The following ACOX3 variants were observed in gnomAD, a reference collection of about 807,000 sequenced individuals.
ACOX3 encodes acyl-CoA oxidase 3, pristanoyl.
In ACOX3, 73 loss-of-function variants were observed where a neutral mutation model predicts 81.5. The ratio of observed to expected loss-of-function variants is 0.90; its 90% CI spans 0.74 to 1.09. ACOX3 has a LOEUF of 1.09. Among genes scored for constraint, ACOX3 ranks in the 50% least tolerant of loss-of-function variants. The pLI is 0.00. For synonymous variants in ACOX3, 387 were observed against 375.1 expected (o/e 1.03, Z -0.37); for missense variants, 947 against 928.0 (o/e 1.02, Z -0.27).
Position 8,437,033 on chromosome 4 carries a change from AT to A in ACOX3, c.-15+3614del, listed in dbSNP as rs1226615372. The stretch of plus-strand genomic sequence containing the variant: ...TCAGCATATATATATATTCGAAAAA[AT>A]ATATATAAATATATATATACAAATA... On this transcript the variant is annotated intron_variant, in intron 1 of 17. Coordinates refer to ENST00000356406, the MANE Select transcript of ACOX3 (RefSeq NM_003501.3). The surrounding 1 kb of genome is among the most constrained non-coding windows in gnomAD (Gnocchi z 5.2). Among the ~76,000 whole-genome samples the A allele has an allele frequency of 6.8e-6, 1 of 146,488 alleles. No homozygotes were observed. Among genetic ancestry groups the A allele is most frequent in the Non-Finnish European group, 1.5e-5 (1 of 66,868 alleles).
intron 1 of ACOX3, 38 bp downstream of exon 1, chr4:8,440,610 C>A (rs1222361600): frequency 5.5e-6 from 3 of 540,794 alleles, no homozygotes; most frequent in African/African-American, 4.0e-5. Context: ...GCCCAGAATT[C>A]TCTCAAAAGG....
In ACOX3 at chr4:8,394,824, C is replaced by G; in HGVS notation, c.1057-82G>C. 6.6e-7 allele frequency: 1 copy of G among 1,526,526 alleles called. No homozygotes were observed. Among genetic ancestry groups the G allele is most frequent in the Non-Finnish European group, 8.8e-7 (1 of 1,132,638 alleles). The allele number at this position is 1,526,526 out of a possible 1,614,324, so 94.6% of individuals were successfully genotyped here. A position where few individuals can be genotyped will look rare whatever the true frequency, so the allele number is the denominator to read the frequency against. On this transcript the variant is annotated intron_variant, in intron 9 of 17. Coordinates refer to ENST00000356406, the MANE Select transcript of ACOX3 (RefSeq NM_003501.3). The surrounding 1 kb of genome is among the most constrained non-coding windows in gnomAD (Gnocchi z 5.9). ...ATCCCAGGGACCATGAAAGCCAGTG[C>G]AGGGAGAGGCCGTCAGGGCCACACA...
At chr4:8,433,144 C>A (rs1275480939) in intron 1 of ACOX3, among the ~76,000 whole-genome samples, 5 of 152,210 alleles carry the variant, frequency 3.3e-5, no homozygotes, top group African/African-American at 1.2e-4. Flanking sequence ...GACCCAGCAG[C>A]CTCTGGCTGG....
chr4:8,367,597 G>A (rs1715615613), intron 17 of ACOX3, among the ~76,000 whole-genome samples: 1 of 150,946 alleles, frequency 6.6e-6, no homozygotes, highest in South Asian at 2.1e-4. Flanking sequence ...TTTTTTTCTA[G>A]TAGAAAACAA....
In ACOX3 at chr4:8,406,087, C is replaced by T. The variant is rs1289714388; in HGVS notation, c.688-44G>A. Reference sequence around the variant, plus strand: ...AGCAGCAAACAGCAACTGTTACAATCACACAAAAATCAAAACAAATGTGTT... The same window carrying T: ...AGCAGCAAACAGCAACTGTTACAATTACACAAAAATCAAAACAAATGTGTT... On this transcript the variant is annotated intron_variant, in intron 6 of 17. Transcript: ENST00000356406. This position sits in a 1 kb window ranked among gnomAD's most constrained non-coding sequence, Gnocchi z 5.6. The T allele has an allele frequency of 6.3e-7, 1 of 1,584,474 alleles. No individual in the cohort carries two copies. The highest frequency in any genetic ancestry group is 2.2e-5 in the East Asian group (1 of 44,754).
chr4:8,380,989 T>A (rs1243325951), intron 14 of ACOX3, among the ~76,000 whole-genome samples: 1 of 152,186 alleles, frequency 6.6e-6, no homozygotes, highest in East Asian at 1.9e-4. Flanking sequence ...ATTTTTTCCC[T>A]GTGGCTTCCT....
chr4:8,365,463 G>A (rs183562434), downstream of ACOX3, among the ~76,000 whole-genome samples: 39 of 152,324 alleles, frequency 2.6e-4, no homozygotes, highest in East Asian at 2.5e-3. Flanking sequence ...TACCTATTGC[G>A]TCTCAGCCCT....
At position 8,406,479 on chromosome 4, in the gene ACOX3, G is replaced by A. The variant is rs1040385815; in HGVS notation, c.688-436C>T. On this transcript the variant is annotated intron_variant, in intron 6 of 17. Coordinates refer to ENST00000356406, the MANE Select transcript of ACOX3 (RefSeq NM_003501.3). The surrounding 1 kb of genome is among the most constrained non-coding windows in gnomAD (Gnocchi z 5.6). ...AGAGAGCATAGAGATAAAGACACAAGACAAAGAGATAAAAGAAAAGACGGC... is the reference window on the plus strand; with the variant it reads ...AGAGAGCATAGAGATAAAGACACAAAACAAAGAGATAAAAGAAAAGACGGC... 2.0e-5 allele frequency among the ~76,000 whole-genome samples: 3 copies of A among 152,308 alleles called. No individual in the cohort carries two copies. The highest frequency in any genetic ancestry group is 1.9e-4 in the East Asian group (1 of 5,186).
At chr4:8,397,691 C>T (rs1328944597) in intron 8 of ACOX3, among the ~76,000 whole-genome samples, 1 of 152,216 alleles carries the variant, frequency 6.6e-6, no homozygotes, top group Non-Finnish European at 1.5e-5. Flanking sequence ...GCGGTGGGCA[C>T]ATCTAATCTA....
At chr4:8,383,495 G>A (rs1717945213) in intron 13 of ACOX3, among the ~76,000 whole-genome samples, 1 of 152,218 alleles carries the variant, frequency 6.6e-6, no homozygotes, top group Non-Finnish European at 1.5e-5. Context: ...TCACAGAGGA[G>A]GCAAAGGCTG....
chr4:8,369,531 G>A (rs1449884648), intron 17 of ACOX3, among the ~76,000 whole-genome samples: 1 of 152,158 alleles, frequency 6.6e-6, no homozygotes, highest in Non-Finnish European at 1.5e-5. Context: ...AGGACAGCAG[G>A]CCCTCTGCAG....
chr4:8,365,287 C>G (rs1356604003), downstream of ACOX3, among the ~76,000 whole-genome samples: 1 of 152,254 alleles, frequency 6.6e-6, no homozygotes, highest in African/African-American at 2.4e-5. Context: ...TCGCAAGGGC[C>G]TGAGCACTCT....
chr4:8,391,245 A>G (rs548551722), intron 11 of ACOX3, among the ~76,000 whole-genome samples: 25 of 152,196 alleles, frequency 1.6e-4, no homozygotes, highest in Admixed American at 9.2e-4. Context: ...GGCTACCCGC[A>G]TGTCAGTAAG....
At chr4:8,388,689 C>T (rs1718594338) in intron 13 of ACOX3, among the ~76,000 whole-genome samples, 1 of 152,326 alleles carries the variant, frequency 6.6e-6, no homozygotes, top group South Asian at 2.1e-4. Context: ...GGAGATGAGC[C>T]TGTGCCACAG....
chr4:8,398,054 A>C (rs1435423419), intron 8 of ACOX3, among the ~76,000 whole-genome samples: 1 of 152,176 alleles, frequency 6.6e-6, no homozygotes, highest in Non-Finnish European at 1.5e-5. Context: ...CCAGCTACTC[A>C]GGAGGCTGAT....
In ACOX3 at chr4:8,386,231, T is replaced by A. The variant is rs1718272768; in HGVS notation, c.1537+2942A>T. On this transcript the variant is annotated intron_variant, in intron 13 of 17. Coordinates refer to ENST00000356406, the MANE Select transcript of ACOX3 (RefSeq NM_003501.3). The surrounding 1 kb of genome is among the most constrained non-coding windows in gnomAD (Gnocchi z 5.2). ...GGTTGAAGTTACCACAATGATTAGG[T>A]CATTTTCTAGTTCTTTCTGTGGCAA... Among the ~76,000 whole-genome samples, 1 of 152,002 alleles carries A rather than the reference T, an allele frequency of 6.6e-6. No individual in the cohort carries two copies. The highest frequency in any genetic ancestry group is 1.5e-5 in the Non-Finnish European group (1 of 68,000).
At chr4:8,411,270 G>C (rs746950951) in intron 5 of ACOX3, among the ~76,000 whole-genome samples, 1 of 152,222 alleles carries the variant, frequency 6.6e-6, no homozygotes, top group Admixed American at 6.5e-5. Context: ...AGGGGCTGTC[G>C]TGGCTAAGTT....
rs1016120015 is a variant in ACOX3, at chr4:8,385,726, C to T, written c.1537+3447G>A. On this transcript the variant is annotated intron_variant, in intron 13 of 17. Coordinates refer to ENST00000356406, the MANE Select transcript of ACOX3 (RefSeq NM_003501.3). This position sits in a 1 kb window ranked among gnomAD's most constrained non-coding sequence, Gnocchi z 5.5. ...CCTTCCTCACAGGCAAGCGCAACCC[C>T]GGAAGGGGCCTGTGTCTCTCCAGTC... Among the ~76,000 whole-genome samples, 2 of 152,256 alleles carry T rather than the reference C, an allele frequency of 1.3e-5. No individual in the cohort carries two copies. Among genetic ancestry groups the T allele is most frequent in the African/African-American group, 4.8e-5 (2 of 41,474 alleles).
rs374205347 is a variant in ACOX3 at position 8,414,049 on chromosome 4, C to T, written c.543+243G>A. On this transcript the variant is annotated intron_variant, in intron 5 of 17. Coordinates refer to ENST00000356406, the MANE Select transcript of ACOX3 (RefSeq NM_003501.3). This position sits in a 1 kb window ranked among gnomAD's most constrained non-coding sequence, Gnocchi z 6.1. ...TTCTTCACTGCACTCAAATTACACA[C>T]AAATCCAAACCACGATCAATTCCCC... is the stretch of plus-strand genomic sequence containing the variant. Among the ~76,000 whole-genome samples, 16 of 152,308 alleles carry T rather than the reference C, an allele frequency of 1.1e-4. No homozygotes were observed. The East Asian group carries it at 2.9e-3, about 28-fold the overall frequency.
Sources: gnomAD v4.1 joint callset for allele counts (sites outside exome capture counted in the v4.1 genomes callset) on GRCh38, gnomAD v4.1.1 for gene constraint, Gnocchi (gnomAD v3.1) non-coding constraint, MANE v1.5 for transcripts, NCBI Gene and HGNC (gene_info 2026-07-23, HGNC 2026-07-21) for gene names.